The following PAPOLG variants were observed in gnomAD, a reference collection of about 807,000 sequenced individuals.
PAPOLG encodes poly(A) polymerase gamma.
PAPOLG carries 40 observed loss-of-function variants against 99.0 expected under a neutral mutation model. The observed-to-expected ratio is 0.40, with a 90% CI of 0.31 to 0.53. PAPOLG has a LOEUF of 0.53. Among genes scored for constraint, PAPOLG ranks in the 20% least tolerant of loss-of-function variants. The pLI is 0.41. For synonymous variants in PAPOLG, 310 were observed against 299.3 expected, an observed-to-expected ratio of 1.04 and a Z score of -0.37; for missense variants, 675 against 884.1, an observed-to-expected ratio of 0.76 and a Z score of 3.00.
chr2:60,763,655 C>T (rs1558677524), intron 3 of PAPOLG, among the ~76,000 whole-genome samples: 1 of 151,980 alleles, frequency 6.6e-6, no homozygotes, highest in Non-Finnish European at 1.5e-5. Context: ...AGGTGCACAC[C>T]ACCATGCCCA....
At chr2:60,778,731 C>G (rs964323656) in intron 8 of PAPOLG, among the ~76,000 whole-genome samples, 2 of 152,126 alleles carry the variant, frequency 1.3e-5, no homozygotes, top group African/African-American at 4.8e-5. Context: ...TGTCCTTGGG[C>G]TCAAGTGTCT....
At chr2:60,796,927 T>C (rs1671725566) in intron 21 of PAPOLG, 135 bp from the exon 22 acceptor site, 1 of 1,066,648 alleles carries the variant, frequency 9.4e-7, no homozygotes, top group Non-Finnish European at 1.3e-6. Context: ...GAAATATTCA[T>C]TGCATACTTG....
Position 60,756,358 on chromosome 2 carries a change from G to T in PAPOLG, c.-121G>T, listed in dbSNP as rs754218957. The T allele has an allele frequency of 6.1e-5, 79 of 1,289,392 alleles. No homozygotes were observed. The highest frequency in any genetic ancestry group is 8.4e-5 in the Non-Finnish European group (75 of 888,996). The allele number at this position is 1,289,392 out of a possible 1,614,324, so 79.9% of individuals were successfully genotyped here. A position where few individuals can be genotyped will look rare whatever the true frequency, so the allele number is the denominator to read the frequency against. On this transcript the variant is annotated 5_prime_UTR_variant, in exon 1 of 22. Coordinates refer to ENST00000238714, the MANE Select transcript of PAPOLG (RefSeq NM_022894.4). ...TGGATGCCTCAGCCATAGTAAGTGG[G>T]AAAGTGAGCGAGCAAGCGAGCTACT...
At chr2:60,788,020 CCA>C (rs1224809350) in intron 15 of PAPOLG, among the ~76,000 whole-genome samples, 1 of 150,742 alleles carries the variant, frequency 6.6e-6, no homozygotes, top group African/African-American at 2.4e-5. Flanking sequence ...CTGGCCTGGC[CCA>C]CAGAGTGAGA....
At chr2:60,793,409 A>T (rs1175094841) in intron 17 of PAPOLG, among the ~76,000 whole-genome samples, 1 of 151,152 alleles carries the variant, frequency 6.6e-6, no homozygotes, top group African/African-American at 2.4e-5. Context: ...ATAAAAATTT[A>T]AAAAATTAAC....
intron 4 of PAPOLG, 73 bp from the exon 5 acceptor site, chr2:60,768,706 CAT>C (rs766096496): frequency 9.4e-6 from 13 of 1,386,904 alleles, no homozygotes; most frequent in East Asian, 4.9e-5. Context: ...TTCTTCTGTA[CAT>C]ATGTTTGTGT....
chr2:60,783,323 T>TG (rs1671251957), intron 13 of PAPOLG, 114 bp downstream of exon 13: 1 of 288,848 alleles, frequency 3.5e-6, no homozygotes. Flanking sequence ...TTATTATATC[T>TG]CTTTTTTTTT....
intron 15 of PAPOLG, 179 bp from the exon 16 acceptor site, chr2:60,791,582 T>C: frequency 1.8e-6 from 1 of 567,510 alleles, no homozygotes; most frequent in Non-Finnish European, 2.9e-6. Flanking sequence ...GATTCATGAA[T>C]AGGATTGTGA....
At chr2:60,796,453 C>G (rs2103832401) in intron 21 of PAPOLG, among the ~76,000 whole-genome samples, 1 of 152,014 alleles carries the variant, frequency 6.6e-6, no homozygotes, top group African/African-American at 2.4e-5. Flanking sequence ...ATTTTGCCTT[C>G]TTTATGTAAT....
Position 60,756,512 on chromosome 2 carries a change from G to A in PAPOLG, c.17+17G>A, listed in dbSNP as rs776552385. 8.1e-6 allele frequency: 13 copies of A among 1,598,896 alleles called. No homozygotes were observed. The highest frequency in any genetic ancestry group is 1.1e-5 in the Non-Finnish European group (13 of 1,173,318). On this transcript the variant is annotated intron_variant, in intron 1 of 21. Transcript: ENST00000238714. ...GATGTCTGCGTAAGTGGTGGGGGGC[G>A]GCGGTTGGGGTGAGGCGGGTAGGGG...
chr2:60,779,653 C>T lies in PAPOLG; in HGVS notation c.711C>T (p.Ser237=). The part of the protein sequence containing the change: ...KLWAKRRGIY[S]NMLGFLGGVS... ...ATTTTCTAGGACGTGGTATTTATTC[C>T]AACATGCTAGGATTCCTTGGTGGTG... The change falls in exon 9 of 22, where the codon TCC becomes TCT. Residue 237 remains serine, a synonymous_variant. Transcript: ENST00000238714. The T allele has an allele frequency of 6.2e-7, 1 of 1,610,798 alleles. No homozygotes were observed. The highest frequency in any genetic ancestry group is 1.1e-5 in the South Asian group (1 of 90,544).
intron 7 of PAPOLG, 172 bp from the exon 8 acceptor site, chr2:60,774,862 C>T (rs1407070358): frequency 2.8e-6 from 2 of 715,906 alleles, no homozygotes; most frequent in Middle Eastern, 7.3e-4. Context: ...TTTTTAATTA[C>T]CCTAAAGCAA....
At chr2:60,779,982 T>C (rs1424732001) in intron 9 of PAPOLG, among the ~76,000 whole-genome samples, 1 of 152,230 alleles carries the variant, frequency 6.6e-6, no homozygotes, top group Non-Finnish European at 1.5e-5. Flanking sequence ...GCCTTTAGCT[T>C]GGGAGAGCAG....
intron 6 of PAPOLG, among the ~76,000 whole-genome samples, chr2:60,771,128 TGAATTTTG>T (rs1670840356): frequency 1.3e-5 from 2 of 152,194 alleles, no homozygotes; most frequent in Non-Finnish European, 2.9e-5. Context: ...TTTGTCCTAG[TGAATTTTG>T]CCTTTAACAT....
intron 15 of PAPOLG, among the ~76,000 whole-genome samples, chr2:60,791,227 G>A (rs1671523663): frequency 6.6e-6 from 1 of 152,172 alleles, no homozygotes; most frequent in Non-Finnish European, 1.5e-5. Flanking sequence ...TTGATTATGA[G>A]AAAGTCTTAG....
intron 8 of PAPOLG, among the ~76,000 whole-genome samples, chr2:60,778,366 C>T (rs188359447): frequency 2.7e-4 from 41 of 151,538 alleles, no homozygotes; most frequent in East Asian, 2.3e-3. Context: ...TTAGCAGAGA[C>T]GAGGTGTTGC....
intron 15 of PAPOLG, 73 bp downstream of exon 15, chr2:60,787,693 G>A: frequency 6.5e-7 from 1 of 1,546,198 alleles, no homozygotes; most frequent in Non-Finnish European, 8.8e-7. Flanking sequence ...CTACAATCTG[G>A]CTGGCTGTAC....
chr2:60,796,648 A>G (rs540813629), intron 21 of PAPOLG, among the ~76,000 whole-genome samples: 74 of 151,848 alleles, frequency 4.9e-4, no homozygotes, highest in Non-Finnish European at 8.2e-4. Context: ...CAGATATTAA[A>G]TTTTTCTCTA....
intron 11 of PAPOLG, 136 bp from the exon 12 acceptor site, chr2:60,782,550 C>CT (rs1671221429): frequency 2.3e-6 from 3 of 1,292,990 alleles, no homozygotes; most frequent in Non-Finnish European, 2.9e-6. Context: ...GAGTGAGACT[C>CT]TGTCTCAAAA....
Sources: gnomAD v4.1 joint callset for allele counts (sites outside exome capture counted in the v4.1 genomes callset) on GRCh38, gnomAD v4.1.1 for gene constraint, MANE v1.5 for transcripts, NCBI Gene and HGNC (gene_info 2026-07-23, HGNC 2026-07-21) for gene names.